BICD1: variants seen among roughly 807,000 people sequenced by gnomAD.
The protein encoded by BICD1 is BICD cargo adaptor 1.
Under a neutral mutation model 92.5 loss-of-function variants are expected in BICD1, and 35 were observed. The observed-to-expected ratio is 0.38, with a 90% CI of 0.29 to 0.50. BICD1 has a LOEUF of 0.50. Ranked by LOEUF, BICD1 falls within the 20% of genes least tolerant of loss-of-function variation. The probability of loss-of-function intolerance (pLI) is 0.93; values close to 1 mark genes in which losing one functional copy is unlikely to be tolerated. For synonymous variants in BICD1, 429 were observed against 465.1 expected (o/e 0.92, Z 1.00); for missense variants, 950 against 1,189.8 (o/e 0.80, Z 2.97).
chr12:32,203,471 C>T (rs1944965134), intron 1 of BICD1, among the ~76,000 whole-genome samples: 1 of 152,062 alleles, frequency 6.6e-6, no homozygotes, highest in African/African-American at 2.4e-5. Context: ...CCGAAGCATA[C>T]CCTGAGAATG....
intron 1 of BICD1, among the ~76,000 whole-genome samples, chr12:32,177,176 G>A (rs1383591518): frequency 6.6e-6 from 1 of 151,624 alleles, no homozygotes; most frequent in Non-Finnish European, 1.5e-5. Flanking sequence ...TTAGCCAGGC[G>A]TGGTGGTGCG....
chr12:32,262,004 C>CGACAGGGGT (rs958738974), intron 2 of BICD1, among the ~76,000 whole-genome samples: 4 of 152,176 alleles, frequency 2.6e-5, no homozygotes, highest in South Asian at 2.1e-4. Flanking sequence ...CTGACAGGGG[C>CGACAGGGGT]AAGACCCAGT....
intron 1 of BICD1, among the ~76,000 whole-genome samples, chr12:32,146,151 C>T (rs941697328): frequency 2.6e-5 from 4 of 152,196 alleles, no homozygotes; most frequent in Non-Finnish European, 5.9e-5. Context: ...ATACTACCAG[C>T]GTTAAGTTGA....
At chr12:32,169,437 T>TC (rs1227916317) in intron 1 of BICD1, among the ~76,000 whole-genome samples, 1 of 152,024 alleles carries the variant, frequency 6.6e-6, no homozygotes, top group Non-Finnish European at 1.5e-5. Flanking sequence ...ACCCATTTTT[T>TC]CCATTAATTT....
At chr12:32,201,397 C>G (rs1388330297) in intron 1 of BICD1, among the ~76,000 whole-genome samples, 1 of 151,868 alleles carries the variant, frequency 6.6e-6, no homozygotes, top group Non-Finnish European at 1.5e-5. Context: ...CTTCTTCATA[C>G]AATGTAATGA....
chr12:32,189,236 A>T (rs1944500758), intron 1 of BICD1, among the ~76,000 whole-genome samples: 1 of 152,212 alleles, frequency 6.6e-6, no homozygotes, highest in Admixed American at 6.5e-5. Flanking sequence ...CCTGAGAAAT[A>T]GTTCCATGAC....
intron 1 of BICD1, among the ~76,000 whole-genome samples, chr12:32,174,452 A>C (rs142114191): frequency 4.5e-3 from 678 of 152,072 alleles, no homozygotes; most frequent in Non-Finnish European, 7.2e-3. Context: ...GCAGTGTACA[A>C]TGTTCACACT....
chr12:32,217,876 A>T (rs1592495804), intron 2 of BICD1, among the ~76,000 whole-genome samples: 1 of 152,174 alleles, frequency 6.6e-6, no homozygotes, highest in Non-Finnish European at 1.5e-5. Context: ...GCAGGGAGCA[A>T]CCTCAGCAGC....
At chr12:32,150,684 A>G (rs1010618793) in intron 1 of BICD1, among the ~76,000 whole-genome samples, 2 of 152,152 alleles carry the variant, frequency 1.3e-5, no homozygotes, top group African/African-American at 4.8e-5. Flanking sequence ...AGGGATGGAA[A>G]TGGTACCCTT....
At chr12:32,219,742 C>A (rs1945459431) in intron 2 of BICD1, among the ~76,000 whole-genome samples, 1 of 152,076 alleles carries the variant, frequency 6.6e-6, no homozygotes, top group African/African-American at 2.4e-5. Flanking sequence ...AAAAAACTAA[C>A]CTAGATTTTT....
chr12:32,276,174 G>A (rs1436424046), intron 2 of BICD1, among the ~76,000 whole-genome samples: 1 of 152,154 alleles, frequency 6.6e-6, no homozygotes, highest in East Asian at 1.9e-4. Context: ...ATCCACCGCA[G>A]ACCCCTGGAC....
At chr12:32,350,037 TAC>T in intron 8 of BICD1, among the ~76,000 whole-genome samples, 1 of 152,238 alleles carries the variant, frequency 6.6e-6, no homozygotes, top group Admixed American at 6.5e-5. Flanking sequence ...TTGACCTTTC[TAC>T]ACACTAAATC....
intron 2 of BICD1, among the ~76,000 whole-genome samples, chr12:32,271,031 A>C (rs1407734259): frequency 6.6e-6 from 1 of 152,166 alleles, no homozygotes; most frequent in Admixed American, 6.5e-5. Context: ...TATGACCCCC[A>C]GGCAATTAGG....
intron 9 of BICD1, among the ~76,000 whole-genome samples, chr12:32,375,215 G>A (rs1249610116): frequency 6.6e-5 from 10 of 150,902 alleles, no homozygotes; most frequent in Non-Finnish European, 1.5e-4. Flanking sequence ...GTGCGCCACC[G>A]CGCCCAGGCT....
At chr12:32,319,413 A>G (rs1275678295) in intron 4 of BICD1, among the ~76,000 whole-genome samples, 1 of 152,134 alleles carries the variant, frequency 6.6e-6, no homozygotes, top group African/African-American at 2.4e-5. Context: ...CTTGAATGTT[A>G]AATCAACATT....
intron 1 of BICD1, chr12:32,108,382 A>G (rs1399304185): frequency 3.5e-6 from 1 of 287,012 alleles, no homozygotes; most frequent in Non-Finnish European, 6.5e-6. Flanking sequence ...AGCCTGTCGG[A>G]TGTATGGGAG....
At chr12:32,324,871 CCCG>C (rs1948740365) in intron 4 of BICD1, among the ~76,000 whole-genome samples, 1 of 152,222 alleles carries the variant, frequency 6.6e-6, no homozygotes, top group Non-Finnish European at 1.5e-5. Flanking sequence ...AGCCACCACA[CCCG>C]GCCATACTGT....
chr12:32,221,049 A>T (rs1305488000), intron 2 of BICD1, among the ~76,000 whole-genome samples: 1 of 137,860 alleles, frequency 7.3e-6, no homozygotes, highest in Non-Finnish European at 1.5e-5. Flanking sequence ...AACAATGAGA[A>T]CACATGGACA....
chr12:32,348,723 A>AAAAAATATATATATAT (rs1938731695), intron 8 of BICD1, among the ~76,000 whole-genome samples: 2 of 117,960 alleles, frequency 1.7e-5, no homozygotes, highest in Non-Finnish European at 3.7e-5. Flanking sequence ...CTCACACAAA[A>AAAAAATATATATATAT]ATATATATAT....
Sources: gnomAD v4.1 joint callset for allele counts (sites outside exome capture counted in the v4.1 genomes callset) on GRCh38, gnomAD v4.1.1 for gene constraint, MANE v1.5 for transcripts, NCBI Gene and HGNC (gene_info 2026-07-23, HGNC 2026-07-21) for gene names.